IFT122: variants seen among roughly 807,000 people sequenced by gnomAD.
IFT122 encodes the protein intraflagellar transport 122.
IFT122 carries 118 observed loss-of-function variants against 161.6 expected under a neutral mutation model. The ratio of observed to expected loss-of-function variants is 0.73; its 90% CI spans 0.63 to 0.85. The LOEUF is 0.85. IFT122 is among the 40% of genes least tolerant of loss of function. The pLI is 0.00. For missense variants in IFT122, 1,381 were observed against 1,579.6 expected, an observed-to-expected ratio of 0.87 and a Z score of 2.13; for synonymous variants, 550 against 602.4, an observed-to-expected ratio of 0.91 and a Z score of 1.27.
chr3:129,448,488 C>G (rs1029964824), intron 1 of IFT122, among the ~76,000 whole-genome samples: 1 of 152,126 alleles, frequency 6.6e-6, no homozygotes, highest in Admixed American at 6.5e-5. Context: ...GCTGGCCACC[C>G]CCACCCTAAT....
chr3:129,481,581 G>A lies in IFT122; in HGVS notation c.1540G>A (p.Ala514Thr), dbSNP rs2078653430. Residue 514 changes from alanine (A) to threonine (T), a missense_variant, in exon 14 of 30, where the codon GCC becomes ACC. Ala to Thr is a moderately conservative substitution (Grantham distance 58). This residue lies in a region of IFT122 where 544 missense variants were observed against 648.0 expected (regional missense o/e 0.84). Transcript: ENST00000348417. Reference sequence around the variant, plus strand: ...CTTTGCTATCGTCCTGCTGAAGCAGGCCACAGCTGTGCGCTGCTTGGACAT... The same window carrying A: ...CTTTGCTATCGTCCTGCTGAAGCAGACCACAGCTGTGCGCTGCTTGGACAT... The part of the protein sequence containing the change: ...NLFAIVLLKQ[A>T]TAVRCLDMSA... The A allele has an allele frequency of 2.5e-6, 4 of 1,581,124 alleles. No individual in the cohort carries two copies. Among genetic ancestry groups the A allele is most frequent in the African/African-American group, 1.3e-5 (1 of 74,326 alleles).
chr3:129,517,309 G>A (rs550712574), intron 26 of IFT122, among the ~76,000 whole-genome samples, 160 bp from the exon 27 acceptor site: 52 of 147,064 alleles, frequency 3.5e-4, no homozygotes, highest in African/African-American at 1.3e-3. Flanking sequence ...CACAGAGACT[G>A]CTCCTGCACA....
intron 22 of IFT122, 87 bp from the exon 23 acceptor site, chr3:129,507,581 C>A: frequency 2.0e-6 from 2 of 980,830 alleles, no homozygotes; most frequent in Non-Finnish European, 3.3e-6. Flanking sequence ...GGGAAAAGTA[C>A]TGTTGCCTGG....
At position 129,460,915 on chromosome 3, in the gene IFT122, G is replaced by C. The variant is rs372945368; in HGVS notation, c.273-313G>C. 3.2e-5 allele frequency: 51 copies of C among 1,614,056 alleles called. No homozygotes were observed. In the African/African-American group the frequency reaches 6.3e-4, roughly 20 times the overall value. Reference sequence around the variant, plus strand: ...TCCATTTCTGGGCCTCCACAAAACAGTAAGAGTAACAGCCACAGATAAAGC... The same window carrying C: ...TCCATTTCTGGGCCTCCACAAAACACTAAGAGTAACAGCCACAGATAAAGC... On this transcript the variant is annotated intron_variant, in intron 4 of 29. Coordinates refer to ENST00000348417, the MANE Select transcript of IFT122 (RefSeq NM_052989.3).
At position 129,461,762 on chromosome 3, in the gene IFT122, G is replaced by A. The variant is rs1317286969; in HGVS notation, c.349+458G>A. 5.9e-5 allele frequency among the ~76,000 whole-genome samples: 9 copies of A among 152,202 alleles called. No individual in the cohort carries two copies. In the South Asian group the frequency reaches 1.2e-3, roughly 21 times the overall value. On this transcript the variant is annotated intron_variant, in intron 5 of 29. Coordinates refer to ENST00000348417, the MANE Select transcript of IFT122 (RefSeq NM_052989.3). ...CAATTTGTCGTCATTACTGGTTTAG[G>A]TGGCTGTAGCTGTCCTCCCTGAGGG...
At chr3:129,460,260 T>C (rs1287631588) in intron 4 of IFT122, among the ~76,000 whole-genome samples, 1 of 152,152 alleles carries the variant, frequency 6.6e-6, no homozygotes, top group Non-Finnish European at 1.5e-5. Flanking sequence ...TTCTACTTTC[T>C]GTCTCTCTGA....
At chr3:129,446,505 G>A (rs1294198153) in intron 1 of IFT122, among the ~76,000 whole-genome samples, 8 of 152,030 alleles carry the variant, frequency 5.3e-5, no homozygotes, top group Admixed American at 3.9e-4. Flanking sequence ...ATGAGCCACC[G>A]CGCCCGGCCG....
At chr3:129,507,408 A>C (rs992515327) in intron 22 of IFT122, among the ~76,000 whole-genome samples, 6 of 152,308 alleles carry the variant, frequency 3.9e-5, no homozygotes, top group African/African-American at 1.4e-4. Flanking sequence ...GGGTGCAGTG[A>C]GAGATCTGGA....
chr3:129,477,871 T>C (rs1360255269), intron 11 of IFT122, 145 bp from the exon 12 acceptor site: 3 of 687,646 alleles, frequency 4.4e-6, no homozygotes, highest in Non-Finnish European at 7.6e-6. Context: ...GTTGATTGTA[T>C]GTATTAGATA....
At chr3:129,482,171 C>T (rs1347837184) in intron 14 of IFT122, among the ~76,000 whole-genome samples, 1 of 152,192 alleles carries the variant, frequency 6.6e-6, no homozygotes, top group Non-Finnish European at 1.5e-5. Flanking sequence ...GCAAGCCTGG[C>T]CTTCTACTTA....
chr3:129,449,886 A>G lies in IFT122; in HGVS notation c.57A>G (p.Ala19=). ...TTCTGTTCAGTATAAATGACATCGCATTTAAGCCTGATGGAACTCAACTGA... is the reference window on the plus strand; with the variant it reads ...TTCTGTTCAGTATAAATGACATCGCGTTTAAGCCTGATGGAACTCAACTGA... The part of the protein sequence containing the change: ...DKAEHCINDI[A]FKPDGTQLIL... Residue 19 remains alanine (A), a synonymous_variant, in exon 2 of 30, where the codon GCA becomes GCG. Transcript: ENST00000348417. 3.7e-6 allele frequency: 6 copies of G among 1,613,192 alleles called. No homozygotes were observed. Among genetic ancestry groups the G allele is most frequent in the Non-Finnish European group, 5.1e-6 (6 of 1,179,178 alleles).
intron 18 of IFT122, among the ~76,000 whole-genome samples, chr3:129,497,886 A>T (rs901187996): frequency 1.3e-5 from 2 of 152,246 alleles, no homozygotes; most frequent in African/African-American, 2.4e-5. Flanking sequence ...AGAAAATTTT[A>T]AAATTACATT....
chr3:129,453,173 G>T (rs142544484), intron 3 of IFT122, among the ~76,000 whole-genome samples: 5 of 152,296 alleles, frequency 3.3e-5, no homozygotes, highest in Non-Finnish European at 7.3e-5. Flanking sequence ...GAGGAGATGG[G>T]ATCTAGGGCA....
rs150881592 is a variant in IFT122 at position 129,456,871 on chromosome 3, G to A, written c.194-1728G>A. Among the ~76,000 whole-genome samples, 523 of 152,258 alleles carry A rather than the reference G, an allele frequency of 3.4e-3. 1 individual carries two copies. The highest frequency in any genetic ancestry group is 5.6e-3 in the Non-Finnish European group (383 of 68,002). On this transcript the variant is annotated intron_variant, in intron 3 of 29. Coordinates refer to ENST00000348417, the MANE Select transcript of IFT122 (RefSeq NM_052989.3). Reference sequence around the variant, plus strand: ...TCGGAGGTTGCGGTGAGCCGAGATCGTGCCACTGCACTATAGCCTGGGCAA... The same window carrying A: ...TCGGAGGTTGCGGTGAGCCGAGATCATGCCACTGCACTATAGCCTGGGCAA...
At chr3:129,445,805 A>T (rs936803232) in intron 1 of IFT122, among the ~76,000 whole-genome samples, 1 of 152,260 alleles carries the variant, frequency 6.6e-6, no homozygotes, top group Non-Finnish European at 1.5e-5. Context: ...TGGAGATGAA[A>T]TAAAATAATG....
intron 3 of IFT122, among the ~76,000 whole-genome samples, chr3:129,454,555 G>A (rs1316120174): frequency 1.3e-5 from 2 of 150,896 alleles, no homozygotes; most frequent in Non-Finnish European, 3.0e-5. Context: ...GTGTGTGTGT[G>A]TGCATGTTTG....
At chr3:129,463,092 CAA>C (rs1308328389) in intron 5 of IFT122, 1 of 154,990 alleles carries the variant, frequency 6.5e-6, no homozygotes, top group Non-Finnish European at 1.4e-5. Flanking sequence ...TAGTAAGTTA[CAA>C]AGATGGTACC....
rs1233921730 is a variant in IFT122 at position 129,481,369 on chromosome 3, AC to A, written c.1489-155del. The A allele has an allele frequency of 1.3e-5, 9 of 672,746 alleles. 1 individual carries two copies. Among genetic ancestry groups the A allele is most frequent in the East Asian group, 9.2e-5 (3 of 32,558 alleles). 41.7% of individuals were successfully genotyped at this position (672,746 alleles called of 1,614,324 possible). A position where few individuals can be genotyped will look rare whatever the true frequency, so the allele number is the denominator to read the frequency against. On this transcript the variant is annotated intron_variant, in intron 13 of 29. Coordinates refer to ENST00000348417, the MANE Select transcript of IFT122 (RefSeq NM_052989.3). ...TCCTAAGGATAAGCCATTGCCCCCC[AC>A]CCCCCTCTTTCTTTTGATGAGTCCT... is the stretch of plus-strand genomic sequence containing the variant.
chr3:129,463,677 A>G, intron 6 of IFT122, 51 bp downstream of exon 6: 1 of 1,439,506 alleles, frequency 6.9e-7, no homozygotes, highest in Non-Finnish European at 9.8e-7. Context: ...TTCCACACAG[A>G]CTCTCAAAAT....
Sources: allele counts gnomAD v4.1 joint callset (sites outside exome capture counted in the v4.1 genomes callset), GRCh38; gene constraint gnomAD v4.1.1; regional missense constraint gnomAD v4.1.1; transcripts MANE v1.5; gene names NCBI Gene and HGNC (gene_info 2026-07-23, HGNC 2026-07-21).